ATP10B: variants seen among roughly 807,000 people sequenced by gnomAD.
The protein encoded by ATP10B is phospholipid-transporting ATPase VB.
A neutral mutation model predicts 141.2 loss-of-function variants in ATP10B; 122 were observed. That is an observed-to-expected ratio of 0.86 (90% confidence interval 0.75 to 1.00). ATP10B has a LOEUF of 1.00. ATP10B is among the 50% of genes least tolerant of loss of function. ATP10B has a pLI of 0.00. For synonymous variants in ATP10B, 685 were observed against 692.0 expected (o/e 0.99, Z 0.16); for missense variants, 1,876 against 1,825.3 (o/e 1.03, Z -0.51).
chr5:160,753,053 TA>T (rs1287125095), intron 2 of ATP10B, among the ~76,000 whole-genome samples: 1 of 152,226 alleles, frequency 6.6e-6, no homozygotes, highest in East Asian at 1.9e-4. Flanking sequence ...CTGATTCATA[TA>T]ACAGCCAATT....
intron 13 of ATP10B, among the ~76,000 whole-genome samples, chr5:160,627,186 G>T (rs1446845219): frequency 6.6e-6 from 1 of 152,086 alleles, no homozygotes; most frequent in Non-Finnish European, 1.5e-5. Context: ...CAGCCCAGGG[G>T]CCAACCTTTC....
At chr5:160,628,277 A>C (rs1385653037) in intron 13 of ATP10B, among the ~76,000 whole-genome samples, 2 of 152,234 alleles carry the variant, frequency 1.3e-5, no homozygotes, top group Non-Finnish European at 2.9e-5. Flanking sequence ...GAACAGTGTC[A>C]CTGAGGCTGG....
chr5:160,737,069 G>A (rs60604765), intron 2 of ATP10B, among the ~76,000 whole-genome samples: 13,215 of 152,176 alleles, frequency 0.087, 608 homozygotes, highest in Middle Eastern at 0.11. Context: ...ATGACCAAGT[G>A]GGATTTATCC....
the ATP10B span, among the ~76,000 whole-genome samples, chr5:160,897,471 A>G: frequency 2.0e-5 from 3 of 152,094 alleles, no homozygotes; most frequent in Non-Finnish European, 2.9e-5. Flanking sequence ...TACCTAGAGT[A>G]TAACTTACAA....
In ATP10B at chr5:160,757,147, T is replaced by A. The variant is rs569396615; in HGVS notation, c.-331+28412A>T. Among the ~76,000 whole-genome samples, 7 of 152,354 alleles carry A rather than the reference T, an allele frequency of 4.6e-5. No homozygotes were observed. The East Asian group carries it at 1.4e-3, about 29-fold the overall frequency. On this transcript the variant is annotated intron_variant, in intron 2 of 25. Coordinates refer to ENST00000327245, the MANE Select transcript of ATP10B (RefSeq NM_025153.3). ...GGTATGAAATAGGGTTCAAGATTAA[T>A]CTTTTTACATATGACTATTCAATTG...
At chr5:160,878,740 C>T in the ATP10B span, among the ~76,000 whole-genome samples, 1 of 152,190 alleles carries the variant, frequency 6.6e-6, no homozygotes. Context: ...TGAACAGACA[C>T]TTCTCAAAAC....
intron 2 of ATP10B, among the ~76,000 whole-genome samples, chr5:160,745,347 T>G (rs1265109647): frequency 6.6e-6 from 1 of 152,218 alleles, no homozygotes; most frequent in Non-Finnish European, 1.5e-5. Context: ...ATTCCTCTTA[T>G]TTTAAGGCAT....
At chr5:160,660,839 G>C (rs533509109) in intron 7 of ATP10B, among the ~76,000 whole-genome samples, 1 of 152,090 alleles carries the variant, frequency 6.6e-6, no homozygotes, top group Non-Finnish European at 1.5e-5. Flanking sequence ...AAAGTATAGC[G>C]GTCAGAAAAA....
chr5:160,739,194 C>A (rs1278627196), intron 2 of ATP10B, among the ~76,000 whole-genome samples: 2 of 150,258 alleles, frequency 1.3e-5, no homozygotes, highest in Non-Finnish European at 3.0e-5. Context: ...TTCCACAACC[C>A]GATAAGGATA....
chr5:160,860,656 C>G, the ATP10B span, among the ~76,000 whole-genome samples: 2 of 151,916 alleles, frequency 1.3e-5, no homozygotes, highest in Admixed American at 6.6e-5. Flanking sequence ...TAGTGGATAA[C>G]TTTTTGGTCC....
intron 2 of ATP10B, among the ~76,000 whole-genome samples, chr5:160,762,728 T>G (rs1272133569): frequency 6.6e-6 from 1 of 152,020 alleles, no homozygotes; most frequent in Non-Finnish European, 1.5e-5. Flanking sequence ...AATACTAATG[T>G]TGAATGTAAA....
At chr5:160,735,845 GA>G (rs1336884359) in intron 2 of ATP10B, among the ~76,000 whole-genome samples, 1 of 152,088 alleles carries the variant, frequency 6.6e-6, no homozygotes, top group African/African-American at 2.4e-5. Context: ...AGAAATTTTG[GA>G]AACTTTGTAA....
chr5:160,916,165 A>G, the ATP10B span, among the ~76,000 whole-genome samples: 1 of 152,192 alleles, frequency 6.6e-6, no homozygotes, highest in Admixed American at 6.5e-5. Flanking sequence ...CAAGTCACAC[A>G]ATTAGCAAGT....
At chr5:160,830,823 C>A (rs909908863) in intron 1 of ATP10B, among the ~76,000 whole-genome samples, 1 of 152,088 alleles carries the variant, frequency 6.6e-6, no homozygotes, top group Non-Finnish European at 1.5e-5. Context: ...TTTACCTGAG[C>A]TTGTGCTGGC....
At chr5:160,911,113 T>C in the ATP10B span, among the ~76,000 whole-genome samples, 1 of 152,232 alleles carries the variant, frequency 6.6e-6, no homozygotes, top group African/African-American at 2.4e-5. Context: ...GGCCTGAAGC[T>C]GGCCAGTGGT....
In ATP10B at chr5:160,620,517, C is replaced by A. The variant is rs371457894; in HGVS notation, c.2246G>T (p.Arg749Leu). 2.5e-6 allele frequency: 4 copies of A among 1,613,984 alleles called. No individual in the cohort carries two copies. The highest frequency in any genetic ancestry group is 3.4e-6 in the Non-Finnish European group (4 of 1,179,992). ...GGTGAGGCAGGTGCCCTGGGGCAGGCGCACAGTCACCTGCTCAGGTGTCCG... is the reference window on the plus strand; with the variant it reads ...GGTGAGGCAGGTGCCCTGGGGCAGGAGCACAGTCACCTGCTCAGGTGTCCG... The part of the protein sequence containing the change: ...VSRTPEQVTV[R>L]LPQGTCLTFS... The change falls in exon 15 of 26, where the codon CGC becomes CTC. Residue 749 changes from arginine (R) to leucine (L), a missense_variant. Transcript: ENST00000327245.
chr5:160,606,888 T>A lies in ATP10B; in HGVS notation c.3037A>T (p.Lys1013Ter). ...TACTGGGTCAATTCCAGAAACTTCT[T>A]CTCTAGCTTTCCCTGGAAGATGGCA... ...LNAIFQGKLEKKFLELTQYCR... is the reference protein window; with the variant it reads ...LNAIFQGKLE Residue 1013 changes from lysine to a stop codon, truncating the protein, a stop_gained, in exon 19 of 26, where the codon AAG becomes TAG. Transcript: ENST00000327245. LOFTEE classifies it high-confidence loss of function. 1 of 1,614,132 alleles carries A rather than the reference T, an allele frequency of 6.2e-7. No homozygotes were observed. The highest frequency in any genetic ancestry group is 1.7e-5 in the Admixed American group (1 of 60,022).
At chr5:160,566,041 C>T (rs1754518262) in intron 25 of ATP10B, 141 bp from the exon 26 acceptor site, 1 of 760,882 alleles carries the variant, frequency 1.3e-6, no homozygotes, top group Non-Finnish European at 2.1e-6. Flanking sequence ...GTCTGGGCAC[C>T]TCTAGTCTTG....
chr5:160,914,043 T>G, the ATP10B span, among the ~76,000 whole-genome samples: 1 of 152,228 alleles, frequency 6.6e-6, no homozygotes. Flanking sequence ...GTTCACTGTT[T>G]GACAGGTTAG....
Sources: gnomAD v4.1 joint callset for allele counts (sites outside exome capture counted in the v4.1 genomes callset) on GRCh38, gnomAD v4.1.1 for gene constraint, MANE v1.5 for transcripts, NCBI Gene and HGNC (gene_info 2026-07-23, HGNC 2026-07-21) for gene names.